The following METTL22 variants were observed in gnomAD, a reference collection of about 807,000 sequenced individuals.
The protein encoded by METTL22 is methyltransferase-like protein 22.
Under a neutral mutation model 48.4 loss-of-function variants are expected in METTL22, and 51 were observed. The ratio of observed to expected loss-of-function variants is 1.05; its 90% CI spans 0.84 to 1.33. The LOEUF is 1.33. METTL22 is among the 40% of genes most tolerant of loss of function. METTL22 has a pLI of 0.00. For missense variants in METTL22, 678 were observed against 526.9 expected, an observed-to-expected ratio of 1.29 and a Z score of -2.81; for synonymous variants, 255 against 214.1, an observed-to-expected ratio of 1.19 and a Z score of -1.67.
chr16:8,641,631 G>A (rs767589851), intron 7 of METTL22: 17 of 333,996 alleles, frequency 5.1e-5, no homozygotes, highest in Non-Finnish European at 9.2e-5. Flanking sequence ...CTCTTTCTTT[G>A]TATAAAGATG....
At chr16:8,650,427 C>G (rs1347270325), downstream of METTL22, among the ~76,000 whole-genome samples, 4 of 152,238 alleles carry the variant, frequency 2.6e-5, no homozygotes, top group Non-Finnish European at 4.4e-5. Context: ...ATGACCTAGC[C>G]TCTCTGAACC....
downstream of METTL22, among the ~76,000 whole-genome samples, chr16:8,651,896 A>G (rs1428324588): frequency 1.3e-5 from 2 of 152,282 alleles, no homozygotes; most frequent in African/African-American, 2.4e-5. Context: ...GAGCGTTAGG[A>G]CAAATACCTA....
rs1161719123 is a variant in METTL22 at position 8,629,128 on chromosome 16, G to T, written c.514+18G>T. On this transcript the variant is annotated intron_variant, in intron 3 of 10. Transcript: ENST00000381920. ...CAGAATAGGTAAATAGAGGTGTGATGTGGCCCACCTGTCACCAAGGCAACT... is the reference window on the plus strand; with the variant it reads ...CAGAATAGGTAAATAGAGGTGTGATTTGGCCCACCTGTCACCAAGGCAACT... 5.6e-6 allele frequency: 9 copies of T among 1,602,852 alleles called. No individual in the cohort carries two copies. Among genetic ancestry groups the T allele is most frequent in the Middle Eastern group, 1.7e-4 (1 of 5,894 alleles).
At chr16:8,627,179 G>T (rs535042804) in intron 2 of METTL22, among the ~76,000 whole-genome samples, 1 of 152,074 alleles carries the variant, frequency 6.6e-6, no homozygotes, top group African/African-American at 2.4e-5. Context: ...TGAAAATGCA[G>T]ATCAAATCAC....
intron 10 of METTL22, 86 bp from the exon 11 acceptor site, chr16:8,646,022 T>C: frequency 3.1e-6 from 5 of 1,596,106 alleles, no homozygotes; most frequent in Non-Finnish European, 3.4e-6. Context: ...CTAACTACTC[T>C]CCTTGGTGAA....
the METTL22 span, among the ~76,000 whole-genome samples, chr16:8,661,526 G>A: frequency 1.4e-5 from 2 of 140,164 alleles, no homozygotes; most frequent in Admixed American, 1.5e-4. Flanking sequence ...GGCGCCTGTA[G>A]TCCCAGCTAC....
chr16:8,642,045 G>A (rs1322385063), intron 7 of METTL22, 82 bp from the exon 8 acceptor site: 2 of 1,067,620 alleles, frequency 1.9e-6, no homozygotes, highest in East Asian at 2.4e-5. Context: ...TTCTCTTGAA[G>A]TGCCTTTTGG....
At chr16:8,622,730 C>G (rs997668609) in intron 1 of METTL22, among the ~76,000 whole-genome samples, 1 of 152,128 alleles carries the variant, frequency 6.6e-6, no homozygotes, top group Non-Finnish European at 1.5e-5. Context: ...ATATACTCCT[C>G]TGAGTATATG....
intron 3 of METTL22, 124 bp from the exon 4 acceptor site, chr16:8,634,915 C>T (rs1731045): frequency 1 from 1,202,439 of 1,205,738 alleles, 599,646 homozygotes; most frequent in East Asian, 1. Context: ...CTCTCTAGAA[C>T]GCCTCATTCC....
In METTL22 at chr16:8,641,061, G is replaced by T; in HGVS notation, c.773-70G>T. 2.0e-6 allele frequency: 3 copies of T among 1,468,596 alleles called. No individual in the cohort carries two copies. The East Asian group carries it at 6.8e-5, about 33-fold the overall frequency. The allele number at this position is 1,468,596 out of a possible 1,614,324, so 91.0% of individuals were successfully genotyped here. On this transcript the variant is annotated intron_variant, in intron 6 of 10. Coordinates refer to ENST00000381920, the MANE Select transcript of METTL22 (RefSeq NM_024109.4). The stretch of plus-strand genomic sequence containing the variant: ...GGATAGATGGATCTTCATATATAGT[G>T]TAAAAGTTTATCTTTTTTTCCTGAT...
At chr16:8,656,030 C>G in the METTL22 span, among the ~76,000 whole-genome samples, 769 of 152,266 alleles carry the variant, frequency 5.1e-3, 5 homozygotes, top group African/African-American at 0.017. Context: ...ACAGTGTTCT[C>G]CAAAGTATGG....
At chr16:8,664,090 A>ATT in the METTL22 span, among the ~76,000 whole-genome samples, 2 of 142,196 alleles carry the variant, frequency 1.4e-5, no homozygotes, top group Non-Finnish European at 3.1e-5. Context: ...AAGTTTTTTA[A>ATT]TTTTTTTTTT....
intron 8 of METTL22, 73 bp downstream of exon 8, chr16:8,642,280 C>A: frequency 1.4e-6 from 2 of 1,404,534 alleles, no homozygotes; most frequent in Non-Finnish European, 1.0e-6. Context: ...CTCCTCACTT[C>A]CCCCGGGAGT....
the METTL22 span, among the ~76,000 whole-genome samples, chr16:8,658,804 C>T: frequency 3.9e-5 from 6 of 152,186 alleles, no homozygotes; most frequent in African/African-American, 1.4e-4. Context: ...TTGCACAAAG[C>T]CCAAATCCCT....
Position 8,628,815 on chromosome 16 carries a change from C to G in METTL22, c.219C>G (p.His73Gln). The change falls in exon 3 of 11, where the codon CAC becomes CAG. Residue 73 changes from histidine to glutamine, a missense_variant. Coordinates refer to ENST00000381920, the MANE Select transcript of METTL22 (RefSeq NM_024109.4). ...GAKGGSHRDV[H>Q]TKEPPSAETG... ...AGGGTGGCAGTCACAGAGATGTTCA[C>G]ACAAAGGAGCCTCCTTCTGCTGAGA... The G allele has an allele frequency of 1.2e-6, 2 of 1,614,204 alleles. No homozygotes were observed. The highest frequency in any genetic ancestry group is 1.7e-6 in the Non-Finnish European group (2 of 1,180,042).
rs1238856677 is a variant in METTL22, at chr16:8,646,513, A to G, written c.*370A>G. ...GTGGATTCTTGTACTGCCCTCTGTC[A>G]GCTGTTTACAGATGGGTTGACTACC... On this transcript the variant is annotated 3_prime_UTR_variant, in exon 11 of 11. Transcript: ENST00000381920. 1 of 510,796 alleles carries G rather than the reference A, an allele frequency of 2.0e-6. No homozygotes were observed. The highest frequency in any genetic ancestry group is 3.8e-6 in the Non-Finnish European group (1 of 263,096). The allele number at this position is 510,796 out of a possible 1,614,324, so 31.6% of individuals were successfully genotyped here.
In METTL22 at chr16:8,644,673, C is replaced by G; in HGVS notation, c.1127C>G (p.Pro376Arg). 6.2e-7 allele frequency: 1 copy of G among 1,605,564 alleles called. No homozygotes were observed. Among genetic ancestry groups the G allele is most frequent in the East Asian group, 2.3e-5 (1 of 44,324 alleles). ...GGCAAGCTGCGCTTCGTGGTGGAGC[C>G]CGTGGAGGCCTCCTTCCCACAGCTC... ...ADGKLRFVVE[P>R]VEASFPQLLV... Residue 376 changes from proline (P) to arginine (R), a missense_variant, in exon 10 of 11, where the codon CCC becomes CGC. Pro to Arg is a moderately radical substitution (Grantham distance 103). Coordinates refer to ENST00000381920, the MANE Select transcript of METTL22 (RefSeq NM_024109.4).
chr16:8,627,771 G>T (rs1487583258), intron 2 of METTL22, among the ~76,000 whole-genome samples: 2 of 152,040 alleles, frequency 1.3e-5, no homozygotes, highest in African/African-American at 4.8e-5. Context: ...TATGAGACAG[G>T]GTCTCATTCT....
chr16:8,653,873 A>G (rs1175165432), downstream of METTL22, among the ~76,000 whole-genome samples: 3 of 152,162 alleles, frequency 2.0e-5, no homozygotes, highest in Admixed American at 2.0e-4. Context: ...ACACCTGGGT[A>G]GTGAGAACCC....
Sources: allele counts gnomAD v4.1 joint callset (sites outside exome capture counted in the v4.1 genomes callset), GRCh38; gene constraint gnomAD v4.1.1; transcripts MANE v1.5; gene names NCBI Gene and HGNC (gene_info 2026-07-23, HGNC 2026-07-21).